FBXL7: variants seen among roughly 807,000 people sequenced by gnomAD.
The protein encoded by FBXL7 is F-box/LRR-repeat protein 7.
A neutral mutation model predicts 38.3 loss-of-function variants in FBXL7; 12 were observed. The ratio of observed to expected loss-of-function variants is 0.31; its 90% confidence interval spans 0.20 to 0.51. FBXL7 has a LOEUF of 0.51. Ranked by LOEUF, FBXL7 falls within the 20% of genes least tolerant of loss-of-function variation. The probability of loss-of-function intolerance (pLI) is 0.98; values close to 1 mark genes in which losing one functional copy is unlikely to be tolerated. For synonymous variants in FBXL7, 297 were observed against 300.9 expected (o/e 0.99, Z 0.13); for missense variants, 567 against 676.4 (o/e 0.84, Z 1.79).
intron 2 of FBXL7, among the ~76,000 whole-genome samples, chr5:15,863,188 C>T (rs188238591): frequency 1.3e-5 from 2 of 152,190 alleles, no homozygotes; most frequent in Admixed American, 1.3e-4. Context: ...CTCTCTAGTG[C>T]AGGTAGCAAT....
chr5:15,697,421 C>A (rs1429285277), intron 2 of FBXL7, among the ~76,000 whole-genome samples: 6 of 152,062 alleles, frequency 3.9e-5, no homozygotes, highest in African/African-American at 1.2e-4. Flanking sequence ...AATGTCTGAT[C>A]AAAAATTACG....
At chr5:15,694,612 C>T (rs766742947) in intron 2 of FBXL7, among the ~76,000 whole-genome samples, 15 of 152,092 alleles carry the variant, frequency 9.9e-5, no homozygotes, top group Non-Finnish European at 1.9e-4. Context: ...AGGCTGCCCT[C>T]GAGGAATAGC....
chr5:15,840,617 G>T (rs1197038557), intron 2 of FBXL7, among the ~76,000 whole-genome samples: 1 of 152,092 alleles, frequency 6.6e-6, no homozygotes, highest in East Asian at 1.9e-4. Context: ...GGGAGGCCGA[G>T]CCAGGTGGAT....
intron 2 of FBXL7, among the ~76,000 whole-genome samples, chr5:15,640,496 T>G (rs1323431990): frequency 6.6e-6 from 1 of 152,008 alleles, no homozygotes; most frequent in Admixed American, 6.6e-5. Flanking sequence ...AAGGTCACAT[T>G]CTGAGGTACT....
At chr5:15,904,717 A>G (rs1434139988) in intron 2 of FBXL7, among the ~76,000 whole-genome samples, 1 of 152,102 alleles carries the variant, frequency 6.6e-6, no homozygotes, top group Non-Finnish European at 1.5e-5. Context: ...TGTATTTATG[A>G]GTTATTTTTT....
intron 2 of FBXL7, among the ~76,000 whole-genome samples, chr5:15,646,546 A>G (rs1280846350): frequency 6.6e-6 from 1 of 152,236 alleles, no homozygotes; most frequent in Non-Finnish European, 1.5e-5. Flanking sequence ...TCCTACGTTA[A>G]TGGAAATTAG....
At chr5:15,507,230 T>C (rs1208895239) in intron 1 of FBXL7, among the ~76,000 whole-genome samples, 2 of 152,126 alleles carry the variant, frequency 1.3e-5, no homozygotes, top group Non-Finnish European at 2.9e-5. Flanking sequence ...AGTGACTAAT[T>C]TCATTCTGAT....
intron 2 of FBXL7, among the ~76,000 whole-genome samples, chr5:15,888,451 A>ACTCCTGACCTCAAGTGATCTGCCGAC (rs1740771700): frequency 6.6e-6 from 1 of 151,826 alleles, no homozygotes; most frequent in African/African-American, 2.4e-5. Flanking sequence ...CTGGTCTCGA[A>ACTCCTGACCTCAAGTGATCTGCCGAC]CTCCTGACCT....
At position 15,927,978 on chromosome 5, in the gene FBXL7, C is replaced by T. The variant is rs781288101; in HGVS notation, c.216C>T (p.Gly72=). 47 of 1,590,566 alleles carry T rather than the reference C, an allele frequency of 3.0e-5. No homozygotes were observed. In the East Asian group the frequency reaches 1.1e-3, roughly 36 times the overall value. The stretch of plus-strand genomic sequence containing the variant: ...TCCCAGGATTTCAGAATGGAAGGGG[C>T]TCGTCCACCTCCTCGTCCTCCATCA... ...PNLPGFQNGR[G]SSTSSSSITG... The change falls in exon 3 of 4, where the codon GGC becomes GGT. Residue 72 remains glycine, a synonymous_variant. Coordinates refer to ENST00000504595, the MANE Select transcript of FBXL7 (RefSeq NM_012304.5).
intron 2 of FBXL7, among the ~76,000 whole-genome samples, chr5:15,701,826 C>T (rs1743533112): frequency 6.6e-6 from 1 of 152,020 alleles, no homozygotes; most frequent in East Asian, 1.9e-4. Flanking sequence ...ATTTATTTTC[C>T]AAATATTTAC....
intron 1 of FBXL7, among the ~76,000 whole-genome samples, chr5:15,525,381 C>T (rs1737223350): frequency 6.6e-6 from 1 of 152,048 alleles, no homozygotes; most frequent in Non-Finnish European, 1.5e-5. Flanking sequence ...TTAAAAAATC[C>T]CTAACAATGG....
rs1239757398 is a variant in FBXL7 at position 15,936,123 on chromosome 5, C to T, written c.740-327C>T. On this transcript the variant is annotated intron_variant, in intron 3 of 3. Coordinates refer to ENST00000504595, the MANE Select transcript of FBXL7 (RefSeq NM_012304.5). This position sits in a 1 kb window ranked among gnomAD's most constrained non-coding sequence, Gnocchi z 6.0. ...CTGCCTCCCAGGGAATGGGATCCTC[C>T]CTATTTTAAGACAAAGGAAATACTC... Among the ~76,000 whole-genome samples, 1 of 152,188 alleles carries T rather than the reference C, an allele frequency of 6.6e-6. No individual in the cohort carries two copies. Among genetic ancestry groups the T allele is most frequent in the Admixed American group, 6.5e-5 (1 of 15,290 alleles).
intron 1 of FBXL7, chr5:15,501,701 A>C: frequency 2.0e-6 from 2 of 985,412 alleles, no homozygotes; most frequent in Non-Finnish European, 2.4e-6. Context: ...CCTGTTCGAA[A>C]CTTTGAGCTG....
At chr5:15,649,971 A>G (rs6865410) in intron 2 of FBXL7, among the ~76,000 whole-genome samples, 26,468 of 152,186 alleles carry the variant, frequency 0.17, 2,384 homozygotes, top group Non-Finnish European at 0.19. Context: ...GTATTGATAG[A>G]TAAGTGTTTT....
intron 2 of FBXL7, among the ~76,000 whole-genome samples, chr5:15,919,609 G>T (rs1205020483): frequency 6.6e-6 from 1 of 152,148 alleles, no homozygotes; most frequent in African/African-American, 2.4e-5. Flanking sequence ...GCCAACAGAT[G>T]ATTATATTAA....
chr5:15,603,643 A>G (rs1270509960), intron 1 of FBXL7, among the ~76,000 whole-genome samples: 2 of 152,234 alleles, frequency 1.3e-5, no homozygotes. Context: ...AGTTATAGAC[A>G]TGGGTATTTT....
intron 2 of FBXL7, among the ~76,000 whole-genome samples, chr5:15,849,325 T>C (rs1390170093): frequency 6.6e-6 from 1 of 152,216 alleles, no homozygotes; most frequent in Non-Finnish European, 1.5e-5. Flanking sequence ...ATTTGGTGAA[T>C]GGATGAATAG....
At chr5:15,694,291 A>G (rs1434151421) in intron 2 of FBXL7, among the ~76,000 whole-genome samples, 1 of 151,960 alleles carries the variant, frequency 6.6e-6, no homozygotes, top group Non-Finnish European at 1.5e-5. Context: ...TTGACTTTTC[A>G]TAAACTTACA....
At chr5:15,699,543 A>G (rs1743459175) in intron 2 of FBXL7, among the ~76,000 whole-genome samples, 1 of 152,226 alleles carries the variant, frequency 6.6e-6, no homozygotes, top group Non-Finnish European at 1.5e-5. Context: ...TAATTATATC[A>G]GCAGCAACCG....
Sources: allele counts gnomAD v4.1 joint callset (sites outside exome capture counted in the v4.1 genomes callset), GRCh38; gene constraint gnomAD v4.1.1; non-coding constraint Gnocchi (gnomAD v3.1); transcripts MANE v1.5; gene names NCBI Gene and HGNC (gene_info 2026-07-23, HGNC 2026-07-21).